The following MORN1 variants were observed in gnomAD, a reference collection of about 807,000 sequenced individuals.
The protein encoded by MORN1 is MORN repeat containing 1.
A neutral mutation model predicts 61.9 loss-of-function variants in MORN1; 67 were observed. The observed-to-expected ratio is 1.08, with a 90% CI of 0.89 to 1.33. MORN1 has a LOEUF of 1.33. Among genes scored for constraint, MORN1 ranks in the 40% most tolerant of loss-of-function variants. The pLI, the probability that MORN1 is intolerant of heterozygous loss-of-function variation, is 0.00. For synonymous variants in MORN1, 301 were observed against 292.0 expected (o/e 1.03, Z -0.31); for missense variants, 752 against 691.2 (o/e 1.09, Z -0.99).
intron 10 of MORN1, among the ~76,000 whole-genome samples, chr1:2,345,238 C>G (rs775329423): frequency 6.6e-6 from 1 of 152,254 alleles, no homozygotes; most frequent in Non-Finnish European, 1.5e-5. Context: ...CTGCCACACT[C>G]AGGGTCTGTC....
At chr1:2,327,870 C>T (rs970584558) in intron 12 of MORN1, among the ~76,000 whole-genome samples, 1 of 152,284 alleles carries the variant, frequency 6.6e-6, no homozygotes, top group Non-Finnish European at 1.5e-5. Context: ...GGCCCCGCAT[C>T]GCGCCTCGGC....
intron 7 of MORN1, among the ~76,000 whole-genome samples, chr1:2,373,694 C>T (rs1642172899): frequency 6.6e-6 from 1 of 152,198 alleles, no homozygotes; most frequent in African/African-American, 2.4e-5. Flanking sequence ...CTGGGACCCA[C>T]CTCTCAGTGC....
chr1:2,367,861 T>G (rs780947863), intron 8 of MORN1, among the ~76,000 whole-genome samples: 2 of 152,130 alleles, frequency 1.3e-5, no homozygotes, highest in Non-Finnish European at 2.9e-5. Flanking sequence ...ACTCCTGACC[T>G]CAGGTGATCC....
chr1:2,372,638 C>T lies in MORN1; in HGVS notation c.635-47G>A. The T allele has an allele frequency of 9.5e-6, 14 of 1,472,110 alleles. No homozygotes were observed. Among genetic ancestry groups the T allele is most frequent in the Non-Finnish European group, 1.3e-5 (14 of 1,067,054 alleles). The allele number at this position is 1,472,110 out of a possible 1,614,324, so 91.2% of individuals were successfully genotyped here. ...CTTTAGCGGTGACTGGCATGGTCCC[C>T]CACCCACCCCATGGCTGAGTCAGCA... On this transcript the variant is annotated intron_variant, in intron 7 of 13. Transcript: ENST00000378531. This position sits in a 1 kb window ranked among gnomAD's most constrained non-coding sequence, Gnocchi z 5.4.
At position 2,355,133 on chromosome 1, in the gene MORN1, A is replaced by T. The variant is rs1569980161; in HGVS notation, c.1036+2299T>A. The T allele has an allele frequency of 2.7e-6, 3 of 1,093,846 alleles. No homozygotes were observed. In the East Asian group the frequency reaches 1.9e-4, roughly 69 times the overall value. The allele number at this position is 1,093,846 out of a possible 1,614,324, so 67.8% of individuals were successfully genotyped here. On this transcript the variant is annotated intron_variant, in intron 10 of 13. Transcript: ENST00000378531. Reference sequence around the variant, plus strand: ...GCAGGCACGAGGCTGGTTTCAATCGAGACTTTGGCTCTGAAAATCTCTCCA... The same window carrying T: ...GCAGGCACGAGGCTGGTTTCAATCGTGACTTTGGCTCTGAAAATCTCTCCA...
chr1:2,339,676 C>A (rs1641352900), intron 10 of MORN1, among the ~76,000 whole-genome samples: 1 of 152,182 alleles, frequency 6.6e-6, no homozygotes. Flanking sequence ...GCTGGCACTG[C>A]CCTCAGCTGC....
intron 9 of MORN1, 39 bp downstream of exon 9, chr1:2,358,553 C>A (rs1188660289): frequency 6.2e-7 from 1 of 1,612,338 alleles, no homozygotes; most frequent in African/African-American, 1.3e-5. Flanking sequence ...GAACTCAAAA[C>A]AAACTCAGAA....
Position 2,323,990 on chromosome 1 carries a change from G to A in MORN1, c.1297+107C>T, listed in dbSNP as rs941325527. The A allele has an allele frequency of 8.9e-6, 13 of 1,463,312 alleles. No homozygotes were observed. The African/African-American group carries it at 1.4e-4, about 16-fold the overall frequency. 90.6% of individuals were successfully genotyped at this position (1,463,312 alleles called of 1,614,324 possible). On this transcript the variant is annotated intron_variant, in intron 13 of 13. Coordinates refer to ENST00000378531, the MANE Select transcript of MORN1 (RefSeq NM_024848.3). ...CCCCACCCACTGCCACCTACCTCTG[G>A]GGGCCCCGGGCCGAGTTCCCCCAAC...
At chr1:2,388,459 C>T (rs1473102759) in intron 2 of MORN1, 122 bp from the exon 3 acceptor site, 1 of 738,558 alleles carries the variant, frequency 1.4e-6, no homozygotes, top group Non-Finnish European at 2.4e-6. Context: ...TGTTTGGCTC[C>T]ATCACTCATG....
chr1:2,384,863 C>T, intron 6 of MORN1, 115 bp downstream of exon 6: 1 of 836,906 alleles, frequency 1.2e-6, no homozygotes, highest in Non-Finnish European at 1.8e-6. Flanking sequence ...CAGGGAATCG[C>T]AGGGCCTGGC....
At chr1:2,327,193 C>CACAGAAAT (rs1641048287) in intron 12 of MORN1, among the ~76,000 whole-genome samples, 1 of 149,104 alleles carries the variant, frequency 6.7e-6, no homozygotes. Flanking sequence ...GACACAGAGA[C>CACAGAAAT]ACAGAAACAC....
intron 8 of MORN1, among the ~76,000 whole-genome samples, chr1:2,359,918 A>G (rs1221821606): frequency 3.3e-5 from 5 of 151,464 alleles, no homozygotes; most frequent in Non-Finnish European, 5.9e-5. Flanking sequence ...AAGAAGAGGA[A>G]GGAGACCAGT....
chr1:2,364,020 G>C (rs1557883196), intron 8 of MORN1, among the ~76,000 whole-genome samples: 1 of 152,124 alleles, frequency 6.6e-6, no homozygotes, highest in Admixed American at 6.5e-5. Flanking sequence ...GAGATTGTTA[G>C]ACTGGATAAA....
Position 2,391,552 on chromosome 1 carries a change from CTT to C in MORN1, c.-21_-20del. ...CTGCCATCTTGCCGCCGAGGGTTCTCTTAGCGACCAGCAACGCCCGCTTCCAT... is the reference window on the plus strand; with the variant it reads ...CTGCCATCTTGCCGCCGAGGGTTCTCAGCGACCAGCAACGCCCGCTTCCAT... On this transcript the variant is annotated 5_prime_UTR_variant, in exon 1 of 14. Coordinates refer to ENST00000378531, the MANE Select transcript of MORN1 (RefSeq NM_024848.3). 12 of 1,246,686 alleles carry C rather than the reference CTT, an allele frequency of 9.6e-6. No homozygotes were observed. Among genetic ancestry groups the C allele is most frequent in the Non-Finnish European group, 1.1e-5 (11 of 989,286 alleles). The allele number at this position is 1,246,686 out of a possible 1,614,324, so 77.2% of individuals were successfully genotyped here.
chr1:2,342,675 A>G (rs1027910092), intron 10 of MORN1, among the ~76,000 whole-genome samples: 6 of 151,944 alleles, frequency 3.9e-5, no homozygotes, highest in Non-Finnish European at 8.8e-5. Context: ...CACCGCAGAC[A>G]TGGCTCTGCT....
chr1:2,390,304 G>C (rs1642617170), intron 1 of MORN1, among the ~76,000 whole-genome samples: 1 of 152,226 alleles, frequency 6.6e-6, no homozygotes, highest in Non-Finnish European at 1.5e-5. Context: ...TCGGGAGGTG[G>C]TGAGGAGCAG....
intron 8 of MORN1, among the ~76,000 whole-genome samples, chr1:2,368,884 CT>C (rs1330166625): frequency 6.6e-6 from 1 of 151,896 alleles, no homozygotes. Context: ...TGGTGAAACC[CT>C]GTCTCTACTA....
At chr1:2,323,919 C>T (rs1640938805) in intron 13 of MORN1, 178 bp downstream of exon 13, 1 of 985,008 alleles carries the variant, frequency 1.0e-6, no homozygotes, top group Non-Finnish European at 1.2e-6. Context: ...AGCCACCAGC[C>T]CCCTTCCCAT....
At chr1:2,383,037 G>T (rs1642407673) in intron 6 of MORN1, among the ~76,000 whole-genome samples, 1 of 152,118 alleles carries the variant, frequency 6.6e-6, no homozygotes, top group African/African-American at 2.4e-5. Context: ...AGCTGTGCCA[G>T]CCAGGATGAG....
Sources: allele counts gnomAD v4.1 joint callset (sites outside exome capture counted in the v4.1 genomes callset), GRCh38; gene constraint gnomAD v4.1.1; non-coding constraint Gnocchi (gnomAD v3.1); transcripts MANE v1.5; gene names NCBI Gene and HGNC (gene_info 2026-07-23, HGNC 2026-07-21).